The following CCDC136 variants were observed in gnomAD, a reference collection of about 807,000 sequenced individuals.
The protein encoded by CCDC136 is coiled-coil domain containing 136.
CCDC136 carries 100 observed loss-of-function variants against 141.2 expected under a neutral mutation model. The observed-to-expected ratio is 0.71, with a 90% CI of 0.60 to 0.84. The LOEUF is 0.84. Ranked by LOEUF, CCDC136 falls within the 40% of genes least tolerant of loss-of-function variation. The probability of loss-of-function intolerance (pLI) is 0.00; values close to 1 mark genes in which losing one functional copy is unlikely to be tolerated. For synonymous variants in CCDC136, 474 were observed against 531.9 expected (o/e 0.89, Z 1.50); for missense variants, 1,206 against 1,379.4 (o/e 0.87, Z 1.99).
chr7:128,819,095 CCT>C (rs1009000374), intron 17 of CCDC136, among the ~76,000 whole-genome samples: 8 of 152,224 alleles, frequency 5.3e-5, no homozygotes, highest in African/African-American at 1.9e-4. Flanking sequence ...TGACGGGGCC[CCT>C]CTCTATGACT....
intron 5 of CCDC136, 83 bp downstream of exon 5, chr7:128,804,844 C>A: frequency 1.2e-6 from 1 of 839,326 alleles, no homozygotes; most frequent in Non-Finnish European, 1.9e-6. Flanking sequence ...AGGCAGATGC[C>A]AGGGCAGTGA....
chr7:128,802,359 A>T (rs1804177841), intron 4 of CCDC136, among the ~76,000 whole-genome samples: 1 of 152,124 alleles, frequency 6.6e-6, no homozygotes. Flanking sequence ...GAATCAAAGA[A>T]CTGCAAGTTT....
Position 128,801,283 on chromosome 7 carries a change from TGAGATCCA to T in CCDC136, c.448_455del (p.Ile150SerfsTer11). On this transcript the variant is annotated frameshift_variant, in exon 4 of 18. Transcript: ENST00000297788. LOFTEE classifies it high-confidence loss of function. ...AACAGGAATTGCATTTGGCCCAGGC[TGAGATCCA>T]GAGTCTGCGGCAAGCAGCAGAGGAT... The T allele has an allele frequency of 6.2e-7, 1 of 1,613,900 alleles. No individual in the cohort carries two copies. Among genetic ancestry groups the T allele is most frequent in the Non-Finnish European group, 8.5e-7 (1 of 1,179,870 alleles).
chr7:128,799,531 G>A (rs995525147), intron 3 of CCDC136, among the ~76,000 whole-genome samples: 8 of 151,378 alleles, frequency 5.3e-5, no homozygotes, highest in African/African-American at 1.9e-4. Flanking sequence ...AACCAGATAT[G>A]CTCTCTGCCT....
chr7:128,800,988 A>G (rs1463990490), intron 3 of CCDC136, among the ~76,000 whole-genome samples, 198 bp from the exon 4 acceptor site: 4 of 152,214 alleles, frequency 2.6e-5, no homozygotes, highest in African/African-American at 9.6e-5. Flanking sequence ...ACCTTACTAC[A>G]TAGAGTCACT....
chr7:128,798,377 G>A (rs148229673), intron 3 of CCDC136, among the ~76,000 whole-genome samples: 109 of 151,804 alleles, frequency 7.2e-4, no homozygotes, highest in Middle Eastern at 3.4e-3. Context: ...TCAGCTTCGC[G>A]AGTAGCTGGG....
Position 128,794,830 on chromosome 7 carries a change from T to C in CCDC136, c.346+62T>C. The C allele has an allele frequency of 1.5e-6, 2 of 1,336,000 alleles. No homozygotes were observed. Among genetic ancestry groups the C allele is most frequent in the Non-Finnish European group, 2.1e-6 (2 of 956,846 alleles). The allele number at this position is 1,336,000 out of a possible 1,614,324, so 82.8% of individuals were successfully genotyped here. The stretch of plus-strand genomic sequence containing the variant: ...TCCAAGTGGTCACCTAAGTACTTTT[T>C]TCCTGAGGGTTTGACTGAAGCACAG... On this transcript the variant is annotated intron_variant, in intron 3 of 17. Transcript: ENST00000297788. The surrounding 1 kb of genome is among the most constrained non-coding windows in gnomAD (Gnocchi z 4.3).
rs1314208030 is a variant in CCDC136 at position 128,821,980 on chromosome 7, G to A, written c.*187G>A. 3.1e-5 allele frequency: 40 copies of A among 1,279,628 alleles called. No individual in the cohort carries two copies. The highest frequency in any genetic ancestry group is 3.9e-5 in the Non-Finnish European group (38 of 982,492). 79.3% of individuals were successfully genotyped at this position (1,279,628 alleles called of 1,614,324 possible). A position where few individuals can be genotyped will look rare whatever the true frequency, so the allele number is the denominator to read the frequency against. ...CCCTCAGCTTTGGGCAGGACACACT[G>A]TGCCAGAACCCTCCCCATATGTTCC... On this transcript the variant is annotated 3_prime_UTR_variant, in exon 18 of 18. Transcript: ENST00000297788. The surrounding 1 kb of genome is among the most constrained non-coding windows in gnomAD (Gnocchi z 5.1).
intron 12 of CCDC136, chr7:128,811,363 G>T (rs1232402056): frequency 4.4e-6 from 2 of 457,412 alleles, no homozygotes; most frequent in Non-Finnish European, 8.8e-6. Context: ...GTAAGACTTT[G>T]ATTCCAATTC....
chr7:128,809,773 C>A, intron 11 of CCDC136, 129 bp downstream of exon 11: 1 of 697,080 alleles, frequency 1.4e-6, no homozygotes, highest in Non-Finnish European at 2.3e-6. Flanking sequence ...ACTTTCTCAC[C>A]ACTCTCCCCA....
At chr7:128,800,558 G>A (rs1803869672) in intron 3 of CCDC136, among the ~76,000 whole-genome samples, 1 of 151,952 alleles carries the variant, frequency 6.6e-6, no homozygotes, top group Non-Finnish European at 1.5e-5. Context: ...GCCTCCCAAA[G>A]TGCTGGGATT....
rs1805995028 is a variant in CCDC136, at chr7:128,812,883, T to C, written c.2717T>C (p.Met906Thr). The change falls in exon 14 of 18, where the codon ATG (methionine) becomes ACG (threonine). Residue 906 changes from methionine (M) to threonine (T), a missense_variant. By Grantham distance (81) the Met-to-Thr change is moderately conservative. Coordinates refer to ENST00000297788, the MANE Select transcript of CCDC136 (RefSeq NM_022742.5). The stretch of plus-strand genomic sequence containing the variant: ...TGTGAAAGGGAGTTCAAGGAGTGCA[T>C]GGAATGCCTTGAAAAGCCCATGGCC... ...DACEREFKEC[M>T]ECLEKPMAPQ... 1.9e-6 allele frequency: 3 copies of C among 1,612,204 alleles called. No homozygotes were observed. Among genetic ancestry groups the C allele is most frequent in the Non-Finnish European group, 2.5e-6 (3 of 1,179,254 alleles).
intron 5 of CCDC136, 27 bp downstream of exon 5, chr7:128,804,788 G>C: frequency 7.0e-7 from 1 of 1,421,678 alleles, no homozygotes; most frequent in Non-Finnish European, 9.8e-7. Context: ...AGAGTGAGAG[G>C]TCATGGGGTT....
chr7:128,801,601 T>C (rs1394653238), intron 4 of CCDC136, 92 bp downstream of exon 4: 5 of 950,354 alleles, frequency 5.3e-6, no homozygotes, highest in Non-Finnish European at 7.6e-6. Context: ...AGATCATGAA[T>C]TGGGAATCTC....
intron 4 of CCDC136, among the ~76,000 whole-genome samples, chr7:128,803,509 A>G (rs1804357909): frequency 6.6e-6 from 1 of 151,960 alleles, no homozygotes; most frequent in African/African-American, 2.4e-5. Flanking sequence ...AAAATTAGCC[A>G]GGCTTGGTGG....
At chr7:128,791,508 C>T (rs1423155277), upstream of CCDC136, 16 of 1,297,806 alleles carry the variant, frequency 1.2e-5, no homozygotes, top group East Asian at 3.1e-4. This position sits in a 1 kb window ranked among gnomAD's most constrained non-coding sequence, Gnocchi z 7.1. Context: ...AGGCGGGCGC[C>T]GGAGCCGGCG....
chr7:128,814,613 G>A, intron 14 of CCDC136, 25 bp from the exon 15 acceptor site: 4 of 1,515,258 alleles, frequency 2.6e-6, no homozygotes, highest in Non-Finnish European at 3.5e-6. Flanking sequence ...CCAACTCTGG[G>A]TAACTGGCCC....
At position 128,821,251 on chromosome 7, in the gene CCDC136, G is replaced by C. The variant is rs1037543169; in HGVS notation, c.*6-548G>C. On this transcript the variant is annotated intron_variant, in intron 17 of 17. Coordinates refer to ENST00000297788, the MANE Select transcript of CCDC136 (RefSeq NM_022742.5). The surrounding 1 kb of genome is among the most constrained non-coding windows in gnomAD (Gnocchi z 5.1). ...TTCTAATGACCTAGGCCCAGTGACA[G>C]GTTTCCTTAAATTTCCTTGAACCAA... Among the ~76,000 whole-genome samples, 1 of 152,144 alleles carries C rather than the reference G, an allele frequency of 6.6e-6. No individual in the cohort carries two copies. The highest frequency in any genetic ancestry group is 2.4e-5 in the African/African-American group (1 of 41,420).
intron 17 of CCDC136, among the ~76,000 whole-genome samples, chr7:128,818,870 C>A (rs183111587): frequency 6.6e-6 from 1 of 152,192 alleles, no homozygotes; most frequent in Non-Finnish European, 1.5e-5. Context: ...CCTGCCTCCC[C>A]CTCCACTCCC....
Sources: allele counts gnomAD v4.1 joint callset (sites outside exome capture counted in the v4.1 genomes callset), GRCh38; gene constraint gnomAD v4.1.1; non-coding constraint Gnocchi (gnomAD v3.1); transcripts MANE v1.5; gene names NCBI Gene and HGNC (gene_info 2026-07-23, HGNC 2026-07-21).